Variants in FGF12 observed in about 807,000 individuals in gnomAD.
The protein encoded by FGF12 is fibroblast growth factor 12, also known as fibroblast growth factor 12B.
In FGF12, 14 loss-of-function variants were observed where a neutral mutation model predicts 23.6. That is an observed-to-expected ratio of 0.59 (90% CI 0.39 to 0.93). FGF12 has a LOEUF of 0.93. Among genes scored for constraint, FGF12 ranks in the 40% least tolerant of loss-of-function variants. FGF12 has a pLI of 0.00. For synonymous variants in FGF12, 62 were observed against 77.3 expected, an observed-to-expected ratio of 0.80 and a Z score of 1.04; for missense variants, 175 against 217.8, an observed-to-expected ratio of 0.80 and a Z score of 1.24.
chr3:192,711,969 T>C (rs113372828), intron 2 of FGF12, among the ~76,000 whole-genome samples: 3 of 138,918 alleles, frequency 2.2e-5, no homozygotes, highest in African/African-American at 5.3e-5. Flanking sequence ...AAAATGTAAA[T>C]CATAATTATT....
chr3:192,536,004 G>T (rs553837211), intron 2 of FGF12, among the ~76,000 whole-genome samples: 1 of 152,286 alleles, frequency 6.6e-6, no homozygotes, highest in Non-Finnish European at 1.5e-5. Flanking sequence ...TACATAGCTT[G>T]TAGGGTAACA....
chr3:192,300,207 A>G (rs1196758436), intron 4 of FGF12, among the ~76,000 whole-genome samples: 2 of 152,222 alleles, frequency 1.3e-5, no homozygotes, highest in Admixed American at 1.3e-4. Context: ...CTACTCTGTC[A>G]CATGGCAGCC....
At chr3:192,489,922 C>A (rs1379396053) in intron 2 of FGF12, among the ~76,000 whole-genome samples, 1 of 152,022 alleles carries the variant, frequency 6.6e-6, no homozygotes. Context: ...GTACAACAAA[C>A]CCCCATGACA....
At chr3:192,460,675 CAT>C (rs201635693) in intron 2 of FGF12, among the ~76,000 whole-genome samples, 6 of 133,986 alleles carry the variant, frequency 4.5e-5, no homozygotes, top group South Asian at 2.3e-4. Context: ...CACACACACA[CAT>C]ATATTTATAT....
At chr3:192,375,367 T>G (rs1249393465) in intron 2 of FGF12, among the ~76,000 whole-genome samples, 8 of 152,198 alleles carry the variant, frequency 5.3e-5, no homozygotes, top group Non-Finnish European at 1.0e-4. Context: ...CTCTCCAATT[T>G]TTCCCTTTAT....
chr3:192,205,499 C>T (rs1717602146), intron 4 of FGF12, among the ~76,000 whole-genome samples: 2 of 152,106 alleles, frequency 1.3e-5, no homozygotes, highest in African/African-American at 4.8e-5. Context: ...ATCCCTCCTG[C>T]CTGAAGCTAA....
intron 4 of FGF12, among the ~76,000 whole-genome samples, chr3:192,245,151 A>G (rs1015297117): frequency 6.6e-6 from 1 of 152,180 alleles, no homozygotes; most frequent in African/African-American, 2.4e-5. Context: ...GCTGGAGTGC[A>G]GTGGCATGAT....
intron 2 of FGF12, among the ~76,000 whole-genome samples, chr3:192,362,008 C>T (rs1380587825): frequency 2.6e-5 from 4 of 152,102 alleles, no homozygotes; most frequent in African/African-American, 9.7e-5. Context: ...ATTTGTGAAC[C>T]TCAATGTCCT....
chr3:192,567,050 C>G (rs762020603), intron 2 of FGF12, among the ~76,000 whole-genome samples: 1 of 152,192 alleles, frequency 6.6e-6, no homozygotes, highest in Non-Finnish European at 1.5e-5. Context: ...CCCACAGATA[C>G]TTTCTCTCGT....
At chr3:192,341,422 T>C (rs993105350) in intron 3 of FGF12, among the ~76,000 whole-genome samples, 4 of 152,198 alleles carry the variant, frequency 2.6e-5, no homozygotes, top group African/African-American at 9.6e-5. Context: ...AGGAAATTTA[T>C]AGACTTGCTG....
intron 4 of FGF12, among the ~76,000 whole-genome samples, chr3:192,268,028 A>G (rs1392635852): frequency 6.6e-6 from 1 of 152,192 alleles, no homozygotes; most frequent in Non-Finnish European, 1.5e-5. Context: ...AGGGATGGAT[A>G]TCTCAGATTT....
At chr3:192,470,363 G>A (rs1542889) in intron 2 of FGF12, among the ~76,000 whole-genome samples, 1 of 152,072 alleles carries the variant, frequency 6.6e-6, no homozygotes, top group Non-Finnish European at 1.5e-5. Flanking sequence ...TCTTGTTTTA[G>A]TAATGGAACT....
intron 2 of FGF12, among the ~76,000 whole-genome samples, chr3:192,597,960 G>T (rs900032438): frequency 6.6e-6 from 1 of 152,174 alleles, no homozygotes; most frequent in African/African-American, 2.4e-5. Context: ...CTGTAAAGTG[G>T]GTAACGAAGG....
At chr3:192,497,342 A>G (rs1723988231) in intron 2 of FGF12, among the ~76,000 whole-genome samples, 1 of 152,210 alleles carries the variant, frequency 6.6e-6, no homozygotes, top group Admixed American at 6.5e-5. Flanking sequence ...ACTATGTGTC[A>G]CTACTCAACA....
chr3:192,717,836 A>C (rs1718909736), intron 2 of FGF12, among the ~76,000 whole-genome samples: 1 of 152,174 alleles, frequency 6.6e-6, no homozygotes, highest in Admixed American at 6.5e-5. Context: ...TAAACATGTT[A>C]ATGGCTGTTA....
intron 2 of FGF12, among the ~76,000 whole-genome samples, chr3:192,515,818 A>G (rs1724650100): frequency 7.1e-6 from 1 of 139,992 alleles, no homozygotes; most frequent in Admixed American, 7.5e-5. Context: ...TTTTTTTCCC[A>G]GCAGCCCCCT....
chr3:192,512,422 A>G (rs996436487), intron 2 of FGF12, among the ~76,000 whole-genome samples: 3 of 152,282 alleles, frequency 2.0e-5, no homozygotes, highest in East Asian at 3.9e-4. Context: ...CACATGGTGT[A>G]TAGTAGGCTT....
At position 192,254,624 on chromosome 3, in the gene FGF12, T is replaced by C. The variant is rs77417046; in HGVS notation, c.228+80737A>G. On this transcript the variant is annotated intron_variant, in intron 4 of 5. Coordinates refer to ENST00000445105, the MANE Select transcript of FGF12 (RefSeq NM_004113.6). ...ATACTGGACTACTAATAATCTGTAA[T>C]TTACCTTTAAACTAAAAATATTTGA... Among the ~76,000 whole-genome samples, 705 of 152,100 alleles carry C rather than the reference T, an allele frequency of 4.6e-3. 2 individuals carry two copies. Among genetic ancestry groups the C allele is most frequent in the African/African-American group, 0.017 (690 of 41,564 alleles).
At chr3:192,385,887 C>T (rs1292143618) in intron 2 of FGF12, among the ~76,000 whole-genome samples, 1 of 152,128 alleles carries the variant, frequency 6.6e-6, no homozygotes, top group African/African-American at 2.4e-5. Flanking sequence ...CCCTTATTCC[C>T]GTGGACTCCT....
Sources: allele counts gnomAD v4.1 joint callset (sites outside exome capture counted in the v4.1 genomes callset), GRCh38; gene constraint gnomAD v4.1.1; transcripts MANE v1.5; gene names NCBI Gene and HGNC (gene_info 2026-07-23, HGNC 2026-07-21).